RARB: variants seen among roughly 807,000 people sequenced by gnomAD.
RARB encodes the protein retinoic acid receptor beta.
RARB carries 17 observed loss-of-function variants against 51.9 expected under a neutral mutation model. The ratio of observed to expected loss-of-function variants is 0.33; its 90% CI spans 0.22 to 0.49. The LOEUF (loss-of-function observed/expected upper bound fraction) is 0.49, where lower values mean the gene tolerates loss of function less well. RARB is among the 20% of genes least tolerant of loss of function. The pLI is 0.99. For missense variants in RARB, 369 were observed against 550.8 expected, an observed-to-expected ratio of 0.67 and a Z score of 3.30; for synonymous variants, 215 against 195.4, an observed-to-expected ratio of 1.10 and a Z score of -0.84.
chr3:25,320,902 T>A (rs919934307), intron 5 of RARB, among the ~76,000 whole-genome samples: 1 of 152,190 alleles, frequency 6.6e-6, no homozygotes, highest in African/African-American at 2.4e-5. Flanking sequence ...TCAAATACTT[T>A]GATTTATGGA....
chr3:25,308,551 C>T (rs867490837), intron 5 of RARB, among the ~76,000 whole-genome samples: 114 of 150,554 alleles, frequency 7.6e-4, no homozygotes, highest in African/African-American at 2.5e-3. Context: ...CAGGTTCAAG[C>T]GATTCTCGTG....
intron 5 of RARB, among the ~76,000 whole-genome samples, chr3:25,307,306 G>C (rs1044658692): frequency 1.3e-5 from 2 of 151,820 alleles, no homozygotes; most frequent in African/African-American, 2.4e-5. Flanking sequence ...AGAATCGCTT[G>C]AACCTAGGAG....
intron 2 of RARB, among the ~76,000 whole-genome samples, chr3:24,915,446 T>A (rs1432396959): frequency 6.6e-6 from 1 of 152,232 alleles, no homozygotes; most frequent in Non-Finnish European, 1.5e-5. Flanking sequence ...TCTGAGGAGC[T>A]ATATTTCCAC....
intron 3 of RARB, among the ~76,000 whole-genome samples, chr3:25,111,562 T>C (rs957813698): frequency 4.7e-5 from 7 of 150,276 alleles, no homozygotes; most frequent in Non-Finnish European, 1.0e-4. Flanking sequence ...CCTAGCTAAA[T>C]GATCTCCGTT....
intron 2 of RARB, among the ~76,000 whole-genome samples, chr3:25,022,605 C>G (rs1008275646): frequency 4.6e-5 from 7 of 152,212 alleles, no homozygotes; most frequent in Non-Finnish European, 1.0e-4. Context: ...GCCCTTGGCA[C>G]TTTCAGTCTT....
intron 3 of RARB, among the ~76,000 whole-genome samples, chr3:25,069,981 G>T (rs6766372): frequency 0.88 from 134,138 of 152,168 alleles, 59,460 homozygotes; most frequent in African/African-American, 0.97. Flanking sequence ...ATTTGTTGCT[G>T]GACAGTTCTG....
chr3:25,352,138 G>A (rs1036938251), intron 5 of RARB: 5 of 152,196 alleles, frequency 3.3e-5, no homozygotes, highest in Non-Finnish European at 5.9e-5. Flanking sequence ...GAACCAAGGC[G>A]AGGCCATGGG....
intron 3 of RARB, among the ~76,000 whole-genome samples, chr3:25,529,065 T>G (rs1698783903): frequency 1.3e-5 from 2 of 151,848 alleles, no homozygotes; most frequent in African/African-American, 2.4e-5. Flanking sequence ...AGCTCAAACG[T>G]GACAATGAGA....
At chr3:25,399,357 C>G (rs1707204421) in intron 5 of RARB, among the ~76,000 whole-genome samples, 1 of 152,148 alleles carries the variant, frequency 6.6e-6, no homozygotes, top group Non-Finnish European at 1.5e-5. Context: ...TCCAAATCCC[C>G]TTGCATCAAG....
intron 5 of RARB, among the ~76,000 whole-genome samples, chr3:25,366,231 A>T (rs1706116786): frequency 6.6e-6 from 1 of 152,222 alleles, no homozygotes. Flanking sequence ...TTGCTCAAAG[A>T]GATCGAGAAA....
chr3:25,043,890 C>T lies in RARB; in HGVS notation c.-379-16235C>T, dbSNP rs149441483. On this transcript the variant is annotated intron_variant, in intron 2 of 11. Coordinates refer to the RARB transcript ENST00000383772. Reference sequence around the variant, plus strand: ...ATTAATAGCACTTTATTTCGTGGCTCATTGAGGAAATGTGTGGTTGATGCT... The same window carrying T: ...ATTAATAGCACTTTATTTCGTGGCTTATTGAGGAAATGTGTGGTTGATGCT... Among the ~76,000 whole-genome samples the T allele has an allele frequency of 6.8e-4, 103 of 152,248 alleles. No individual in the cohort carries two copies. The East Asian group carries it at 7.3e-3, about 11-fold the overall frequency.
chr3:25,133,964 A>G (rs1409180356), intron 4 of RARB, among the ~76,000 whole-genome samples: 1 of 89,454 alleles, frequency 1.1e-5, no homozygotes, highest in Non-Finnish European at 2.4e-5. Flanking sequence ...TGTTTTCATT[A>G]AAAAAAAAAA....
intron 2 of RARB, among the ~76,000 whole-genome samples, chr3:24,871,910 C>A (rs535064250): frequency 6.6e-6 from 1 of 152,036 alleles, no homozygotes; most frequent in African/African-American, 2.4e-5. Context: ...AAAATAGATG[C>A]GGAATCTTAT....
At chr3:24,865,098 G>T (rs895357339) in intron 2 of RARB, among the ~76,000 whole-genome samples, 18 of 152,036 alleles carry the variant, frequency 1.2e-4, no homozygotes, top group Non-Finnish European at 1.9e-4. Context: ...AGTTCTGAGG[G>T]TCCCTTCATT....
At chr3:24,963,915 T>TA (rs1194883899) in intron 2 of RARB, among the ~76,000 whole-genome samples, 2 of 152,214 alleles carry the variant, frequency 1.3e-5, no homozygotes, top group Non-Finnish European at 2.9e-5. Context: ...CCTTCCCTTT[T>TA]AAAAGCCTTT....
chr3:24,963,538 T>A (rs1696186238), intron 2 of RARB, among the ~76,000 whole-genome samples: 1 of 151,296 alleles, frequency 6.6e-6, no homozygotes, highest in Admixed American at 6.6e-5. Context: ...ATTTGCTTAA[T>A]AACCCAAATT....
At chr3:25,404,640 C>T (rs1190790674) in intron 5 of RARB, among the ~76,000 whole-genome samples, 1 of 152,062 alleles carries the variant, frequency 6.6e-6, no homozygotes, top group African/African-American at 2.4e-5. Flanking sequence ...GGCTTAGGGA[C>T]AGATAGTGGA....
intron 2 of RARB, among the ~76,000 whole-genome samples, chr3:24,986,160 A>G (rs1436575447): frequency 1.3e-5 from 2 of 152,210 alleles, no homozygotes; most frequent in Non-Finnish European, 2.9e-5. Flanking sequence ...GACTCAGGAA[A>G]TAGGTATTGA....
intron 5 of RARB, among the ~76,000 whole-genome samples, chr3:25,306,860 C>T (rs1218777862): frequency 2.0e-5 from 3 of 152,146 alleles, no homozygotes; most frequent in Non-Finnish European, 4.4e-5. Flanking sequence ...AATCAGAAGT[C>T]ATTTGTCTAT....
Sources: allele counts gnomAD v4.1 joint callset (sites outside exome capture counted in the v4.1 genomes callset), GRCh38; gene constraint gnomAD v4.1.1; transcripts MANE v1.5; gene names NCBI Gene and HGNC (gene_info 2026-07-23, HGNC 2026-07-21).